Variants in TPX2 observed in about 807,000 individuals in gnomAD.
TPX2 encodes targeting protein for Xklp2.
TPX2 carries 21 observed loss-of-function variants against 93.6 expected under a neutral mutation model. The observed-to-expected ratio is 0.22, with a 90% CI of 0.16 to 0.32. The LOEUF (loss-of-function observed/expected upper bound fraction) is 0.32. Among genes scored for constraint, TPX2 ranks in the 10% least tolerant of loss-of-function variants. The probability of loss-of-function intolerance (pLI) is 1.00; values close to 1 mark genes in which losing one functional copy is unlikely to be tolerated. For missense variants in TPX2, 776 were observed against 871.1 expected, an observed-to-expected ratio of 0.89 and a Z score of 1.37; for synonymous variants, 281 against 298.3, an observed-to-expected ratio of 0.94 and a Z score of 0.60.
intron 9 of TPX2, 152 bp from the exon 10 acceptor site, chr20:31,778,661 T>C: frequency 1.6e-6 from 1 of 639,886 alleles, no homozygotes; most frequent in Non-Finnish European, 2.6e-6. Context: ...AGATTAGTTA[T>C]AACCCTTGCT....
At chr20:31,795,761 C>G (rs1210884610) in intron 15 of TPX2, among the ~76,000 whole-genome samples, 1 of 152,188 alleles carries the variant, frequency 6.6e-6, no homozygotes, top group African/African-American at 2.4e-5. Context: ...GCTATTTGCT[C>G]TTTATAAATG....
At chr20:31,776,118 G>A (rs538143198) in intron 8 of TPX2, 130 bp downstream of exon 8, 2 of 951,762 alleles carry the variant, frequency 2.1e-6, no homozygotes, top group African/African-American at 1.8e-5. Context: ...CTGTCGCCCA[G>A]GCCGGACTGC....
chr20:31,758,194 C>G (rs1028249239), intron 3 of TPX2, among the ~76,000 whole-genome samples: 1 of 150,938 alleles, frequency 6.6e-6, no homozygotes, highest in East Asian at 2.0e-4. Context: ...ACAATCTCAG[C>G]TCACTGTAAC....
At chr20:31,782,931 C>CAA (rs1320264661) in intron 11 of TPX2, among the ~76,000 whole-genome samples, 7 of 141,076 alleles carry the variant, frequency 5.0e-5, no homozygotes, top group Admixed American at 7.1e-5. Flanking sequence ...CACACACACA[C>CAA]AAAATCTAAT....
At chr20:31,765,314 CAAA>C (rs796500792) in intron 4 of TPX2, among the ~76,000 whole-genome samples, 4 of 53,688 alleles carry the variant, frequency 7.5e-5, no homozygotes, top group Admixed American at 2.1e-4. Context: ...TATTGAAAAG[CAAA>C]AAAAAAAAAA....
At chr20:31,784,504 CT>C (rs1462143166) in intron 12 of TPX2, among the ~76,000 whole-genome samples, 4 of 152,342 alleles carry the variant, frequency 2.6e-5, no homozygotes, top group African/African-American at 7.2e-5. Context: ...GCTACAGAGT[CT>C]GTGATCCTAA....
intron 1 of TPX2, among the ~76,000 whole-genome samples, chr20:31,741,331 A>G (rs1165746513): frequency 7.1e-6 from 1 of 141,232 alleles, no homozygotes; most frequent in African/African-American, 2.6e-5. Context: ...TTTTTTTTTG[A>G]GACGGAGTCT....
chr20:31,776,262 A>G (rs1436161490), intron 8 of TPX2, among the ~76,000 whole-genome samples: 2 of 150,496 alleles, frequency 1.3e-5, no homozygotes, highest in East Asian at 3.9e-4. Context: ...TTGTATTTTT[A>G]GTAGAGACGG....
Position 31,760,116 on chromosome 20 carries a change from C to G in TPX2, c.166C>G (p.Gln56Glu). Residue 56 changes from glutamine to glutamate, a missense_variant, in exon 4 of 18, where the codon CAG becomes GAG. Physicochemically the swap from Gln to Glu is conservative, Grantham distance 29 (BLOSUM62 2). Around this residue, in one of 3 missense-constraint regions of TPX2, gnomAD observed 279 missense variants for 261.6 expected, o/e 1.07. Coordinates refer to ENST00000300403, the MANE Select transcript of TPX2 (RefSeq NM_012112.5). Reference protein sequence around the residue: ...LGKNGTGGLFQGKTPLRKANL... With the variant: ...LGKNGTGGLFEGKTPLRKANL... The stretch of plus-strand genomic sequence containing the variant: ...GAAGAATGGAACTGGAGGGCTTTTT[C>G]AGGGCAAAACTCCTTTGAGAAAGGC... The G allele has an allele frequency of 6.2e-7, 1 of 1,613,866 alleles. No homozygotes were observed.
chr20:31,741,806 G>A (rs2061755101), intron 1 of TPX2, among the ~76,000 whole-genome samples: 1 of 151,400 alleles, frequency 6.6e-6, no homozygotes, highest in Non-Finnish European at 1.5e-5. Context: ...GTAGATACAG[G>A]GTTTCACCAC....
intron 2 of TPX2, among the ~76,000 whole-genome samples, chr20:31,745,155 A>G (rs2061776067): frequency 6.6e-6 from 1 of 152,196 alleles, no homozygotes; most frequent in African/African-American, 2.4e-5. Flanking sequence ...CCTTGTAGGA[A>G]GATTATGCTG....
chr20:31,775,929 A>C lies in TPX2; in HGVS notation c.671A>C (p.Glu224Ala), dbSNP rs550119037. The C allele has an allele frequency of 3.1e-6, 5 of 1,602,590 alleles. No individual in the cohort carries two copies. In the African/African-American group the frequency reaches 4.0e-5, roughly 13 times the overall value. Reference protein sequence around the residue: ...ELEKSMKMQQEVVEMRKKNEE... With the variant: ...ELEKSMKMQQAVVEMRKKNEE... ...GAGAAGAGTATGAAAATGCAGCAAG[A>C]GGTGGTGGAGATGCGGAAAAAGAAT... Residue 224 changes from glutamate to alanine, a missense_variant, in exon 8 of 18, where the codon GAG becomes GCG. Coordinates refer to ENST00000300403, the MANE Select transcript of TPX2 (RefSeq NM_012112.5).
In TPX2 at chr20:31,778,946, C is replaced by G; in HGVS notation, c.1016C>G (p.Pro339Arg). The G allele has an allele frequency of 6.2e-7, 1 of 1,605,962 alleles. No individual in the cohort carries two copies. The highest frequency in any genetic ancestry group is 8.5e-7 in the Non-Finnish European group (1 of 1,177,980). The change falls in exon 10 of 18, where the codon CCT (proline) becomes CGT (arginine). Residue 339 changes from proline (P) to arginine (R), a missense_variant. Pro to Arg is a moderately radical substitution (Grantham distance 103, BLOSUM62 -2). Coordinates refer to ENST00000300403, the MANE Select transcript of TPX2 (RefSeq NM_012112.5). The part of the protein sequence containing the change: ...QQVEDFHKRT[P>R]NRYHLRSKKD... Reference sequence around the variant, plus strand: ...GTTGAAGACTTCCATAAACGAACCCCTAACAGATATCATTTGAGGAGCAAG... The same window carrying G: ...GTTGAAGACTTCCATAAACGAACCCGTAACAGATATCATTTGAGGAGCAAG...
chr20:31,793,734 T>G, intron 13 of TPX2, 114 bp from the exon 14 acceptor site: 1 of 1,079,180 alleles, frequency 9.3e-7, no homozygotes, highest in Admixed American at 2.6e-5. Flanking sequence ...TAAGACTTCC[T>G]TTAATTTTGT....
chr20:31,791,263 A>G (rs752197357), intron 12 of TPX2, among the ~76,000 whole-genome samples: 2 of 152,150 alleles, frequency 1.3e-5, no homozygotes, highest in Admixed American at 6.5e-5. Flanking sequence ...GTTGTAGGTA[A>G]GCAATAGGAG....
chr20:31,763,950 C>T (rs56402710), intron 4 of TPX2, among the ~76,000 whole-genome samples: 2 of 151,356 alleles, frequency 1.3e-5, no homozygotes, highest in East Asian at 1.9e-4. Flanking sequence ...ACCTGGGAGG[C>T]GGAGGCTGCA....
intron 6 of TPX2, among the ~76,000 whole-genome samples, chr20:31,771,215 G>A (rs922508907): frequency 5.9e-5 from 9 of 152,062 alleles, no homozygotes; most frequent in East Asian, 1.9e-4. Context: ...TGCTCCTCCC[G>A]AAATTGGGGT....
intron 10 of TPX2, among the ~76,000 whole-genome samples, chr20:31,781,253 CTTTTTTTT>C (rs1007150417): frequency 6.0e-5 from 7 of 116,776 alleles, no homozygotes; most frequent in African/African-American, 2.5e-4. Context: ...GGCCTTATAT[CTTTTTTTT>C]TTTTTTTTTT....
At chr20:31,752,280 G>A (rs1432112417) in intron 2 of TPX2, among the ~76,000 whole-genome samples, 1 of 152,168 alleles carries the variant, frequency 6.6e-6, no homozygotes, top group Non-Finnish European at 1.5e-5. Context: ...AGGAATAAGG[G>A]CTATAGCTGT....
Sources: allele counts gnomAD v4.1 joint callset (sites outside exome capture counted in the v4.1 genomes callset), GRCh38; gene constraint gnomAD v4.1.1; regional missense constraint gnomAD v4.1.1; transcripts MANE v1.5; gene names NCBI Gene and HGNC (gene_info 2026-07-23, HGNC 2026-07-21).